The following SORCS3 variants were observed in gnomAD, a reference collection of about 807,000 sequenced individuals.
SORCS3 encodes the protein VPS10 domain-containing receptor SorCS3.
SORCS3 carries 57 observed loss-of-function variants against 146.3 expected under a neutral mutation model. The ratio of observed to expected loss-of-function variants is 0.39; its 90% confidence interval spans 0.31 to 0.49. The LOEUF (loss-of-function observed/expected upper bound fraction) is 0.49. Among genes scored for constraint, SORCS3 ranks in the 20% least tolerant of loss-of-function variants. The pLI is 0.92. For synonymous variants in SORCS3, 653 were observed against 618.5 expected (o/e 1.06, Z -0.83); for missense variants, 1,341 against 1,575.5 (o/e 0.85, Z 2.52).
At chr10:105,082,457 G>A (rs1258120541) in intron 5 of SORCS3, among the ~76,000 whole-genome samples, 1 of 152,192 alleles carries the variant, frequency 6.6e-6, no homozygotes, top group Non-Finnish European at 1.5e-5. Flanking sequence ...TGCATTATAT[G>A]TGTCAGACAC....
At chr10:104,727,545 GTA>G (rs34816369) in intron 1 of SORCS3, among the ~76,000 whole-genome samples, 43,171 of 147,716 alleles carry the variant, frequency 0.29, 6,425 homozygotes, top group East Asian at 0.63. Context: ...ATGTGTGTGT[GTA>G]TATATATATA....
chr10:104,897,881 A>T (rs1028961320), intron 2 of SORCS3, among the ~76,000 whole-genome samples: 6 of 152,200 alleles, frequency 3.9e-5, no homozygotes, highest in African/African-American at 7.2e-5. Flanking sequence ...TTGAGAACAC[A>T]CATTCAGATA....
At chr10:104,802,153 A>G (rs751503050) in intron 1 of SORCS3, among the ~76,000 whole-genome samples, 1 of 152,206 alleles carries the variant, frequency 6.6e-6, no homozygotes, top group Non-Finnish European at 1.5e-5. Flanking sequence ...TATTTTCGGT[A>G]ATGACCTAGA....
At chr10:104,664,345 T>C (rs2015741140) in intron 1 of SORCS3, among the ~76,000 whole-genome samples, 1 of 152,192 alleles carries the variant, frequency 6.6e-6, no homozygotes, top group Non-Finnish European at 1.5e-5. Flanking sequence ...CCTTGAGGAA[T>C]CATCCTTGAC....
At chr10:104,865,338 G>A (rs1351522081) in intron 2 of SORCS3, among the ~76,000 whole-genome samples, 1 of 152,090 alleles carries the variant, frequency 6.6e-6, no homozygotes, top group Non-Finnish European at 1.5e-5. Flanking sequence ...CACTTCTCTT[G>A]GATGGCAAAT....
At chr10:104,642,022 G>GGGGGGGGGGCGCCCCC in intron 1 of SORCS3, 68 bp downstream of exon 1, 2 of 173,336 alleles carry the variant, frequency 1.2e-5, no homozygotes, top group African/African-American at 4.4e-5. Flanking sequence ...GGGTGGGTGG[G>GGGGGGGGGGCGCCCCC]AGCGAGGGAC....
chr10:104,754,385 T>G (rs1456574832), intron 1 of SORCS3, among the ~76,000 whole-genome samples: 13 of 152,204 alleles, frequency 8.5e-5, no homozygotes, highest in Admixed American at 8.5e-4. Flanking sequence ...GATTGGATTG[T>G]ATGGCCAGGT....
At chr10:104,828,838 T>A (rs1324989108) in intron 1 of SORCS3, among the ~76,000 whole-genome samples, 1 of 152,186 alleles carries the variant, frequency 6.6e-6, no homozygotes, top group African/African-American at 2.4e-5. Context: ...CTGTGTCCCT[T>A]TCTCCTTACC....
At chr10:105,064,044 T>C (rs988258126) in intron 5 of SORCS3, among the ~76,000 whole-genome samples, 1 of 152,204 alleles carries the variant, frequency 6.6e-6, no homozygotes, top group Non-Finnish European at 1.5e-5. Flanking sequence ...CATTAATTGA[T>C]TACTTCAAGC....
At chr10:105,226,511 A>G (rs1266110184) in intron 20 of SORCS3, among the ~76,000 whole-genome samples, 1 of 151,814 alleles carries the variant, frequency 6.6e-6, no homozygotes, top group African/African-American at 2.4e-5. Context: ...ATTGGCCCAT[A>G]GTTTTCTTTT....
intron 3 of SORCS3, among the ~76,000 whole-genome samples, chr10:104,929,097 C>T (rs893995640): frequency 1.2e-4 from 18 of 152,194 alleles, no homozygotes; most frequent in African/African-American, 4.3e-4. Context: ...GTGTGATGTG[C>T]AGGAAAGAGC....
At chr10:104,956,392 C>T (rs571880622) in intron 3 of SORCS3, among the ~76,000 whole-genome samples, 33 of 152,236 alleles carry the variant, frequency 2.2e-4, no homozygotes, top group African/African-American at 7.9e-4. Context: ...GCTGTGCAAC[C>T]CAAGGGACTC....
At chr10:105,183,525 G>A (rs144578608) in intron 14 of SORCS3, among the ~76,000 whole-genome samples, 2 of 152,156 alleles carry the variant, frequency 1.3e-5, no homozygotes, top group Admixed American at 6.5e-5. Context: ...CGATAAAGTC[G>A]TTGAAAATGA....
chr10:105,235,436 C>CTG (rs5787570), intron 20 of SORCS3, among the ~76,000 whole-genome samples: 14,918 of 141,196 alleles, frequency 0.11, 953 homozygotes, highest in Admixed American at 0.21. Context: ...AACTCTCAGA[C>CTG]TGTGTGTGTG....
chr10:104,861,110 G>A (rs759971366), intron 2 of SORCS3, among the ~76,000 whole-genome samples: 10 of 152,108 alleles, frequency 6.6e-5, no homozygotes, highest in Non-Finnish European at 1.3e-4. Context: ...GTAAAGATTT[G>A]GAACAGGTCT....
At chr10:104,659,795 T>C (rs2015677484) in intron 1 of SORCS3, among the ~76,000 whole-genome samples, 1 of 152,222 alleles carries the variant, frequency 6.6e-6, no homozygotes, top group Admixed American at 6.5e-5. Context: ...TATTGTTAGA[T>C]AAGAGGTCCT....
chr10:104,890,055 T>C (rs2018732453), intron 2 of SORCS3, among the ~76,000 whole-genome samples: 1 of 152,210 alleles, frequency 6.6e-6, no homozygotes. Context: ...ATCCATAGCT[T>C]TGTTCCATTC....
At chr10:104,712,994 A>G (rs2016436126) in intron 1 of SORCS3, among the ~76,000 whole-genome samples, 1 of 152,210 alleles carries the variant, frequency 6.6e-6, no homozygotes, top group African/African-American at 2.4e-5. Context: ...GATTTCAGAT[A>G]AACAGGATTT....
Position 104,774,733 on chromosome 10 carries a change from G to T in SORCS3, c.628-68059G>T, listed in dbSNP as rs193245141. Among the ~76,000 whole-genome samples, 8 of 152,222 alleles carry T rather than the reference G, an allele frequency of 5.3e-5. No homozygotes were observed. The East Asian group carries it at 1.5e-3, about 29-fold the overall frequency. ...AAGGGGTCATGGAGTGATCAGTGTG[G>T]AATCTGGCCCTGTCATTGATAAAAC... On this transcript the variant is annotated intron_variant, in intron 1 of 26. Transcript: ENST00000369701.
Sources: gnomAD v4.1 joint callset for allele counts (sites outside exome capture counted in the v4.1 genomes callset) on GRCh38, gnomAD v4.1.1 for gene constraint, MANE v1.5 for transcripts, NCBI Gene and HGNC (gene_info 2026-07-23, HGNC 2026-07-21) for gene names.